The following HS6ST1 variants were observed in gnomAD, a reference collection of about 807,000 sequenced individuals.
The protein encoded by HS6ST1 is heparan sulfate 6-O-sulfotransferase 1.
Under a neutral mutation model 25.2 loss-of-function variants are expected in HS6ST1, and 3 were observed. The observed-to-expected ratio is 0.12, with a 90% CI of 0.05 to 0.31. HS6ST1 has a LOEUF of 0.31. HS6ST1 is among the 10% of genes least tolerant of loss of function. The pLI is 1.00. For missense variants in HS6ST1, 310 were observed against 609.6 expected, an observed-to-expected ratio of 0.51 and a Z score of 5.18; for synonymous variants, 204 against 275.1, an observed-to-expected ratio of 0.74 and a Z score of 2.56.
At chr2:128,317,031 A>G (rs1243722389) in intron 1 of HS6ST1, among the ~76,000 whole-genome samples, 1 of 152,224 alleles carries the variant, frequency 6.6e-6, no homozygotes, top group East Asian at 1.9e-4. Context: ...GCAGACAAGA[A>G]GCCCTGCTCC....
intron 1 of HS6ST1, among the ~76,000 whole-genome samples, chr2:128,276,325 G>A (rs1693693664): frequency 6.6e-6 from 1 of 152,124 alleles, no homozygotes; most frequent in Admixed American, 6.5e-5. Context: ...TAGTAGAGAT[G>A]GGATTTCACC....
intron 1 of HS6ST1, among the ~76,000 whole-genome samples, chr2:128,270,936 C>T (rs1693600580): frequency 6.6e-6 from 1 of 152,232 alleles, no homozygotes; most frequent in African/African-American, 2.4e-5. Context: ...ATCTGGGAAA[C>T]ACAAATGGCT....
At chr2:128,271,973 G>A (rs750703885) in intron 1 of HS6ST1, among the ~76,000 whole-genome samples, 1 of 152,202 alleles carries the variant, frequency 6.6e-6, no homozygotes, top group Non-Finnish European at 1.5e-5. Context: ...CCAAGACATG[G>A]TCTACACCAA....
chr2:128,305,664 C>G (rs1694198143), intron 1 of HS6ST1, among the ~76,000 whole-genome samples: 1 of 152,238 alleles, frequency 6.6e-6, no homozygotes, highest in South Asian at 2.1e-4. Flanking sequence ...AGAGCCTCTC[C>G]TTACGGGTGA....
chr2:128,276,334 C>T (rs940195971), intron 1 of HS6ST1, among the ~76,000 whole-genome samples: 5 of 152,178 alleles, frequency 3.3e-5, no homozygotes, highest in Non-Finnish European at 7.3e-5. Flanking sequence ...TGGGATTTCA[C>T]CATGTTGGCC....
At chr2:128,292,300 A>G (rs1036963813) in intron 1 of HS6ST1, among the ~76,000 whole-genome samples, 1 of 152,092 alleles carries the variant, frequency 6.6e-6, no homozygotes, top group Non-Finnish European at 1.5e-5. Context: ...GCCTGGCAGG[A>G]CCCTGGCTTG....
intron 1 of HS6ST1, among the ~76,000 whole-genome samples, chr2:128,304,056 C>T (rs900919621): frequency 2.0e-5 from 3 of 152,164 alleles, no homozygotes; most frequent in African/African-American, 7.2e-5. Flanking sequence ...GGCTCTGGGA[C>T]CTAACACCAC....
At chr2:128,287,251 G>GC (rs1292572772) in intron 1 of HS6ST1, among the ~76,000 whole-genome samples, 1 of 152,198 alleles carries the variant, frequency 6.6e-6, no homozygotes. Flanking sequence ...CAGTCCCCCT[G>GC]CAAGAGCACC....
intron 1 of HS6ST1, among the ~76,000 whole-genome samples, chr2:128,271,135 T>C (rs576295600): frequency 2.0e-5 from 3 of 152,338 alleles, no homozygotes; most frequent in Admixed American, 6.5e-5. Flanking sequence ...GGGTCTGTGC[T>C]AGCTGACTGG....
chr2:128,276,416 G>A (rs565182886), intron 1 of HS6ST1, among the ~76,000 whole-genome samples: 3 of 152,294 alleles, frequency 2.0e-5, no homozygotes, highest in South Asian at 2.1e-4. Context: ...GATGACAGGC[G>A]TGAGCCACTG....
At chr2:128,292,779 G>A (rs1399390020) in intron 1 of HS6ST1, among the ~76,000 whole-genome samples, 1 of 152,078 alleles carries the variant, frequency 6.6e-6, no homozygotes, top group Non-Finnish European at 1.5e-5. Flanking sequence ...GGCCATGGGG[G>A]CGGGCAGAGG....
At chr2:128,284,898 CTGG>C (rs1693838754) in intron 1 of HS6ST1, among the ~76,000 whole-genome samples, 5 of 152,198 alleles carry the variant, frequency 3.3e-5, no homozygotes, top group Non-Finnish European at 7.3e-5. Flanking sequence ...CACCCCCCAC[CTGG>C]TGGTTTGGGC....
chr2:128,268,131 C>A lies in HS6ST1; in HGVS notation c.*31G>T, dbSNP rs112636716. Reference sequence around the variant, plus strand: ...TGTCCTGTTTTATCCCCCACACCCCCCAAGAGGCCTCCCCGTGGCCACCAC... The same window carrying A: ...TGTCCTGTTTTATCCCCCACACCCCACAAGAGGCCTCCCCGTGGCCACCAC... On this transcript the variant is annotated 3_prime_UTR_variant, in exon 2 of 2. Transcript: ENST00000259241. 15 of 1,517,188 alleles carry A rather than the reference C, an allele frequency of 9.9e-6. No homozygotes were observed. Among genetic ancestry groups the A allele is most frequent in the Middle Eastern group, 2.3e-4 (1 of 4,322 alleles). 94.0% of individuals were successfully genotyped at this position (1,517,188 alleles called of 1,614,324 possible).
At chr2:128,289,607 T>TGTGTGCC (rs1693922057) in intron 1 of HS6ST1, 1 of 152,236 alleles carries the variant, frequency 6.6e-6, no homozygotes, top group Non-Finnish European at 1.5e-5. Flanking sequence ...TCCAGCTTGC[T>TGTGTGCC]AAGGGATCTG....
intron 1 of HS6ST1, among the ~76,000 whole-genome samples, chr2:128,300,954 T>G (rs1044510591): frequency 2.6e-5 from 4 of 152,198 alleles, no homozygotes; most frequent in African/African-American, 9.6e-5. Flanking sequence ...AAGAAATGAG[T>G]GCCTCTGTCA....
intron 1 of HS6ST1, among the ~76,000 whole-genome samples, chr2:128,277,856 A>G (rs1347232951): frequency 6.6e-6 from 1 of 152,262 alleles, no homozygotes. Context: ...AAGCCCACAG[A>G]ATGATCGCCT....
chr2:128,279,477 T>C (rs1166271373), intron 1 of HS6ST1, among the ~76,000 whole-genome samples: 1 of 152,028 alleles, frequency 6.6e-6, no homozygotes, highest in African/African-American at 2.4e-5. Flanking sequence ...TGTCACATTC[T>C]AGCCCCCAAG....
chr2:128,284,058 C>T (rs1047793244), intron 1 of HS6ST1, among the ~76,000 whole-genome samples: 10 of 152,156 alleles, frequency 6.6e-5, no homozygotes, highest in African/African-American at 2.2e-4. Flanking sequence ...CACGGGGCAG[C>T]CCCCCACCCT....
At chr2:128,277,632 C>T (rs57009608) in intron 1 of HS6ST1, among the ~76,000 whole-genome samples, 9 of 152,318 alleles carry the variant, frequency 5.9e-5, no homozygotes, top group African/African-American at 1.4e-4. Flanking sequence ...GCAGCTTCTC[C>T]GAGGAGGGTG....
Sources: gnomAD v4.1 joint callset for allele counts (sites outside exome capture counted in the v4.1 genomes callset) on GRCh38, gnomAD v4.1.1 for gene constraint, MANE v1.5 for transcripts, NCBI Gene and HGNC (gene_info 2026-07-23, HGNC 2026-07-21) for gene names.